Variants in SHTN1 observed in about 807,000 individuals in gnomAD.
SHTN1 encodes the protein shootin 1.
SHTN1 carries 42 observed loss-of-function variants against 83.1 expected under a neutral mutation model. That is an observed-to-expected ratio of 0.51 (90% CI 0.39 to 0.65). SHTN1 has a LOEUF of 0.65. Ranked by LOEUF, SHTN1 falls within the 30% of genes least tolerant of loss-of-function variation. The pLI, the probability that SHTN1 is intolerant of heterozygous loss-of-function variation, is 0.00. For synonymous variants in SHTN1, 224 were observed against 247.7 expected, an observed-to-expected ratio of 0.90 and a Z score of 0.90; for missense variants, 622 against 737.8, an observed-to-expected ratio of 0.84 and a Z score of 1.82.
At chr10:117,023,192 T>A (rs1208150388) in intron 2 of SHTN1, among the ~76,000 whole-genome samples, 3 of 152,230 alleles carry the variant, frequency 2.0e-5, no homozygotes, top group African/African-American at 7.2e-5. Flanking sequence ...GGACCACTTT[T>A]AGGCTTACAA....
intron 2 of SHTN1, among the ~76,000 whole-genome samples, chr10:117,045,266 G>GAA (rs1852644951): frequency 6.6e-6 from 1 of 152,122 alleles, no homozygotes; most frequent in Non-Finnish European, 1.5e-5. Context: ...CAGAATTCTG[G>GAA]AAAATAAGCA....
chr10:117,123,142 A>G (rs893261013), intron 1 of SHTN1, among the ~76,000 whole-genome samples: 4 of 152,118 alleles, frequency 2.6e-5, no homozygotes, highest in African/African-American at 9.7e-5. Context: ...AGTTGGGATT[A>G]CAGGCATGTA....
chr10:116,911,377 C>T (rs755202960), intron 14 of SHTN1: 35 of 1,307,626 alleles, frequency 2.7e-5, no homozygotes, highest in Non-Finnish European at 3.5e-5. Context: ...TGATATGAAG[C>T]TATTTGGGGA....
chr10:116,966,042 C>T (rs1440211968), intron 3 of SHTN1, among the ~76,000 whole-genome samples: 1 of 152,080 alleles, frequency 6.6e-6, no homozygotes, highest in Non-Finnish European at 1.5e-5. Context: ...GAGTCTCACC[C>T]TGTCGCCAGT....
chr10:116,921,039 C>G (rs964105673), intron 12 of SHTN1, among the ~76,000 whole-genome samples: 3 of 152,104 alleles, frequency 2.0e-5, no homozygotes, highest in Admixed American at 1.3e-4. Flanking sequence ...AATGTAACTT[C>G]TATATCGTGT....
chr10:116,958,342 A>G (rs1850057704), intron 4 of SHTN1, among the ~76,000 whole-genome samples: 1 of 152,204 alleles, frequency 6.6e-6, no homozygotes, highest in African/African-American at 2.4e-5. Context: ...TCCATTTTTT[A>G]AATTTTTTTC....
intron 4 of SHTN1, among the ~76,000 whole-genome samples, chr10:116,956,511 T>C (rs1589841357): frequency 2.0e-5 from 3 of 152,348 alleles, no homozygotes. Flanking sequence ...CAGTGTTAGT[T>C]ATTCATAGTA....
At chr10:117,043,674 C>G (rs1195092952) in intron 2 of SHTN1, among the ~76,000 whole-genome samples, 1 of 151,740 alleles carries the variant, frequency 6.6e-6, no homozygotes, top group African/African-American at 2.4e-5. Context: ...GATCCCATCT[C>G]TACAAAAAAT....
intron 2 of SHTN1, among the ~76,000 whole-genome samples, chr10:117,033,392 C>A (rs1323513130): frequency 6.6e-6 from 1 of 152,020 alleles, no homozygotes; most frequent in East Asian, 1.9e-4. Context: ...TTAGTGGATA[C>A]TATGAGCAAC....
At position 116,906,745 on chromosome 10, in the gene SHTN1, C is replaced by T; in HGVS notation, c.1362G>A (p.Gly454=). ...TTGAACTAGTGGATTTGTTAAGTGT[C>T]CCCTAAAGTGAAAACAAAACAAAAA... The part of the protein sequence containing the change: ...SAVDELKGIL[G]TLNKSTSSRS... The change falls in exon 15 of 17, where the codon GGG becomes GGA. Residue 454 remains glycine, a splice_region_variant and synonymous_variant. Transcript: ENST00000355371. 2.5e-6 allele frequency: 4 copies of T among 1,606,528 alleles called. No individual in the cohort carries two copies. The highest frequency in any genetic ancestry group is 3.4e-6 in the Non-Finnish European group (4 of 1,177,304).
chr10:117,009,566 A>C (rs1179534530), upstream of SHTN1, among the ~76,000 whole-genome samples: 2 of 152,162 alleles, frequency 1.3e-5, no homozygotes, highest in East Asian at 1.9e-4. Context: ...ACAAAAGTCT[A>C]TATTCACAAA....
At chr10:117,011,131 T>A (rs1852097245) in intron 2 of SHTN1, among the ~76,000 whole-genome samples, 1 of 152,246 alleles carries the variant, frequency 6.6e-6, no homozygotes, top group South Asian at 2.1e-4. Flanking sequence ...CTATCTCTAT[T>A]CACATATGAC....
At chr10:116,910,006 G>A (rs188436722) in intron 14 of SHTN1, among the ~76,000 whole-genome samples, 1 of 152,202 alleles carries the variant, frequency 6.6e-6, no homozygotes, top group Admixed American at 6.5e-5. Flanking sequence ...GCTTTACAGG[G>A]TACTAACTTC....
intron 14 of SHTN1, 74 bp from the exon 15 acceptor site, chr10:116,906,821 C>G (rs551227194): frequency 1.1e-5 from 13 of 1,218,108 alleles, no homozygotes; most frequent in Middle Eastern, 2.0e-4. Flanking sequence ...AAAAATCAAA[C>G]CATGAAAACA....
At chr10:116,954,248 C>G (rs751791367) in intron 4 of SHTN1, 38 bp from the exon 5 acceptor site, 3 of 1,373,326 alleles carry the variant, frequency 2.2e-6, no homozygotes, top group Admixed American at 4.6e-5. Flanking sequence ...TTAAAAGCAG[C>G]CAAATGAGTA....
intron 16 of SHTN1, 98 bp from the exon 17 acceptor site, chr10:116,886,664 T>C: frequency 2.6e-6 from 4 of 1,519,140 alleles, no homozygotes; most frequent in East Asian, 2.3e-5. Context: ...ACCCAAAATG[T>C]TCTAAGTCTA....
chr10:116,959,368 C>CA (rs1223559205), intron 4 of SHTN1, among the ~76,000 whole-genome samples: 1 of 152,100 alleles, frequency 6.6e-6, no homozygotes, highest in African/African-American at 2.4e-5. Flanking sequence ...ATACAAATTA[C>CA]ATTTATTTAT....
At chr10:117,046,635 T>C (rs1852667782) in intron 2 of SHTN1, among the ~76,000 whole-genome samples, 1 of 152,190 alleles carries the variant, frequency 6.6e-6, no homozygotes, top group South Asian at 2.1e-4. Flanking sequence ...CATCAATTGG[T>C]AAATGGATAA....
At chr10:116,898,342 C>T (rs907245803) in intron 16 of SHTN1, among the ~76,000 whole-genome samples, 2 of 151,468 alleles carry the variant, frequency 1.3e-5, no homozygotes, top group African/African-American at 4.9e-5. Flanking sequence ...AAAAAAAATT[C>T]TATAATTTAG....
Sources: allele counts gnomAD v4.1 joint callset (sites outside exome capture counted in the v4.1 genomes callset), GRCh38; gene constraint gnomAD v4.1.1; transcripts MANE v1.5; gene names NCBI Gene and HGNC (gene_info 2026-07-23, HGNC 2026-07-21).